The following TGM2 variants were observed in gnomAD, a reference collection of about 807,000 sequenced individuals.
The protein encoded by TGM2 is protein-glutamine gamma-glutamyltransferase 2.
Under a neutral mutation model 75.6 loss-of-function variants are expected in TGM2, and 53 were observed. The observed-to-expected ratio is 0.70, with a 90% confidence interval of 0.56 to 0.88. TGM2 has a LOEUF of 0.88. TGM2 is among the 40% of genes least tolerant of loss of function. The probability of loss-of-function intolerance (pLI) is 0.00; values close to 1 mark genes in which losing one functional copy is unlikely to be tolerated. For missense variants in TGM2, 842 were observed against 928.5 expected, an observed-to-expected ratio of 0.91 and a Z score of 1.21; for synonymous variants, 374 against 381.1, an observed-to-expected ratio of 0.98 and a Z score of 0.22.
chr20:38,143,632 T>C (rs921174071), intron 6 of TGM2, among the ~76,000 whole-genome samples: 2 of 147,210 alleles, frequency 1.4e-5, no homozygotes, highest in African/African-American at 5.0e-5. Flanking sequence ...CACTGGGTGC[T>C]CCTGGCAGAC....
rs148742414 is a variant in TGM2, at chr20:38,143,412, G to A, written c.860-1213C>T. 3.9e-5 allele frequency among the ~76,000 whole-genome samples: 6 copies of A among 152,310 alleles called. No individual in the cohort carries two copies. In the East Asian group the frequency reaches 9.7e-4, roughly 25 times the overall value. On this transcript the variant is annotated intron_variant, in intron 6 of 12. Coordinates refer to ENST00000361475, the MANE Select transcript of TGM2 (RefSeq NM_004613.4). ...ATGCACGTGGCCCTATAAATAGGTC[G>A]CAGCACAGATCAGGGTCCTCAGACT...
Position 38,139,415 on chromosome 20 carries a change from C to G in TGM2, c.1339G>C (p.Glu447Gln). 6.2e-7 allele frequency: 1 copy of G among 1,614,158 alleles called. No homozygotes were observed. ...TAAAGACTCTGAGGGCACATACCCT[C>G]TGGGTATTTGTAGGTGTGGGTGATA... ...EDITHTYKYP[E>Q]GSSEEREAFT... is the part of the protein sequence containing the mutation. Residue 447 changes from glutamate (E) to glutamine (Q), a missense_variant, in exon 9 of 13, where the codon GAG (glutamate) becomes CAG (glutamine). Coordinates refer to ENST00000361475, the MANE Select transcript of TGM2 (RefSeq NM_004613.4).
rs542368902 is a variant in TGM2, at chr20:38,153,533, G to GAAAAAAAAAAAAAAGAAAAGA, written c.433+2313_433+2314insTCTTTTCTTTTTTTTTTTTTT. On this transcript the variant is annotated intron_variant, in intron 3 of 12. Coordinates refer to ENST00000361475, the MANE Select transcript of TGM2 (RefSeq NM_004613.4). Reference sequence around the variant, plus strand: ...GAGAGAGCCTTGGTCTCAAAAAAAAGAAAAAAAAAAAAAGAATGAATGAGC... The same window carrying GAAAAAAAAAAAAAAGAAAAGA: ...GAGAGAGCCTTGGTCTCAAAAAAAAGAAAAAAAAAAAAAAGAAAAGAAAAAAAAAAAAAAGAATGAATGAGC... 5.7e-5 allele frequency among the ~76,000 whole-genome samples: 5 copies of GAAAAAAAAAAAAAAGAAAAGA among 87,478 alleles called. 1 individual carries two copies. The highest frequency in any genetic ancestry group is 1.4e-4 in the African/African-American group (3 of 20,728). 57.4% of individuals were successfully genotyped at this position (87,478 alleles called of 152,430 possible).
intron 3 of TGM2, among the ~76,000 whole-genome samples, chr20:38,154,540 T>C (rs1226935448): frequency 6.6e-6 from 1 of 152,170 alleles, no homozygotes; most frequent in African/African-American, 2.4e-5. Context: ...AGCTCTCCCC[T>C]CTGACTTTCT....
At chr20:38,163,625 AC>A (rs2075279340) in intron 1 of TGM2, among the ~76,000 whole-genome samples, 3 of 151,812 alleles carry the variant, frequency 2.0e-5, no homozygotes, top group African/African-American at 7.3e-5. Flanking sequence ...TCTTATGACC[AC>A]CCCTTCGCCA....
chr20:38,139,965 T>C (rs1261358658), intron 8 of TGM2, among the ~76,000 whole-genome samples: 2 of 152,234 alleles, frequency 1.3e-5, no homozygotes, highest in African/African-American at 4.8e-5. Context: ...ATTCCTGAAT[T>C]ATAGATGTAA....
chr20:38,155,741 G>C (rs1025907897), intron 3 of TGM2, 106 bp downstream of exon 3: 2 of 1,469,760 alleles, frequency 1.4e-6, no homozygotes, highest in African/African-American at 2.8e-5. Flanking sequence ...AGTCCACTTT[G>C]ATGTGTGTCT....
At chr20:38,148,674 C>G (rs181352061) in intron 4 of TGM2, among the ~76,000 whole-genome samples, 31 of 152,282 alleles carry the variant, frequency 2.0e-4, no homozygotes, top group Middle Eastern at 3.4e-3. Context: ...TGCTCCCATC[C>G]CCTTTTTGAC....
intron 1 of TGM2, among the ~76,000 whole-genome samples, chr20:38,164,494 G>A (rs897981070): frequency 1.3e-5 from 2 of 152,162 alleles, no homozygotes; most frequent in Admixed American, 1.3e-4. Context: ...CACTCCTCTC[G>A]TTCCTCACAG....
At chr20:38,132,149 G>A (rs2074841476) in intron 11 of TGM2, among the ~76,000 whole-genome samples, 191 bp downstream of exon 11, 1 of 152,080 alleles carries the variant, frequency 6.6e-6, no homozygotes, top group African/African-American at 2.4e-5. Flanking sequence ...TTCATTCCTA[G>A]AGGCTACGAG....
chr20:38,166,125 T>C (rs45492398), upstream of TGM2, among the ~76,000 whole-genome samples: 1 of 152,176 alleles, frequency 6.6e-6, no homozygotes, highest in Admixed American at 6.5e-5. Context: ...CAGACACACC[T>C]GCAAAAACAG....
At chr20:38,132,219 C>T in intron 11 of TGM2, 121 bp downstream of exon 11, 1 of 1,157,984 alleles carries the variant, frequency 8.6e-7, no homozygotes, top group South Asian at 1.3e-5. Context: ...TTGAGGATCG[C>T]TAAGGCACCA....
At position 38,161,568 on chromosome 20, in the gene TGM2, C is replaced by T; in HGVS notation, c.42G>A (p.Leu14=). The T allele has an allele frequency of 1.2e-6, 2 of 1,614,194 alleles. No individual in the cohort carries two copies. Among genetic ancestry groups the T allele is most frequent in the Non-Finnish European group, 1.7e-6 (2 of 1,180,032 alleles). ...ELVLERCDLE[L]ETNGRDHHTA... is the part of the protein sequence containing the mutation. Reference sequence around the variant, plus strand: ...TGTGGTGGTCTCGGCCATTGGTCTCCAGCTCCAGATCACACCTCTCTAAGA... The same window carrying T: ...TGTGGTGGTCTCGGCCATTGGTCTCTAGCTCCAGATCACACCTCTCTAAGA... Residue 14 remains leucine, a synonymous_variant, in exon 2 of 13, where the codon CTG becomes CTA. Transcript: ENST00000361475.
At position 38,141,286 on chromosome 20, in the gene TGM2, G is replaced by A. The variant is rs986011557; in HGVS notation, c.1095C>T (p.Ser365=). The A allele has an allele frequency of 5.1e-6, 8 of 1,571,432 alleles. No individual in the cohort carries two copies. Among genetic ancestry groups the A allele is most frequent in the Non-Finnish European group, 6.9e-6 (8 of 1,157,816 alleles). The stretch of plus-strand genomic sequence containing the variant: ...CGACAGTGCCCGCCCACGCACCTTC[G>A]CTCTTCTCCTGGGGCGTTGGGTCCA... ...QALDPTPQEK[S]EGTYCCGPVP... Residue 365 remains serine, a synonymous_variant, in exon 8 of 13, where the codon AGC becomes AGT. Coordinates refer to ENST00000361475, the MANE Select transcript of TGM2 (RefSeq NM_004613.4).
At chr20:38,164,064 C>T (rs926582283) in intron 1 of TGM2, among the ~76,000 whole-genome samples, 6 of 152,230 alleles carry the variant, frequency 3.9e-5, no homozygotes, top group Non-Finnish European at 7.3e-5. Context: ...GCTGGAGGCT[C>T]ATCATAACTG....
rs1170224896 is a variant in TGM2 at position 38,151,173 on chromosome 20, C to T, written c.434-116G>A. 21 of 768,170 alleles carry T rather than the reference C, an allele frequency of 2.7e-5. No homozygotes were observed. In the East Asian group the frequency reaches 5.2e-4, roughly 19 times the overall value. The allele number at this position is 768,170 out of a possible 1,614,324, so 47.6% of individuals were successfully genotyped here. A position where few individuals can be genotyped will look rare whatever the true frequency, so the allele number is the denominator to read the frequency against. On this transcript the variant is annotated intron_variant, in intron 3 of 12. Coordinates refer to ENST00000361475, the MANE Select transcript of TGM2 (RefSeq NM_004613.4). ...CCAAGCCAGCGTCTCAGGGATCCATCCTTCTTTTAATTAGAAAAAGTAACC... is the reference window on the plus strand; with the variant it reads ...CCAAGCCAGCGTCTCAGGGATCCATTCTTCTTTTAATTAGAAAAAGTAACC...
chr20:38,150,024 T>C (rs1201280971), intron 4 of TGM2, among the ~76,000 whole-genome samples: 1 of 152,134 alleles, frequency 6.6e-6, no homozygotes, highest in Non-Finnish European at 1.5e-5. Context: ...GGGGGAAGCC[T>C]CAGGGTGAAC....
At chr20:38,150,859 A>G in intron 4 of TGM2, 80 bp downstream of exon 4, 1 of 1,062,052 alleles carries the variant, frequency 9.4e-7, no homozygotes, top group South Asian at 1.3e-5. Flanking sequence ...CCACCTGTGC[A>G]GCTTTGGCTG....
chr20:38,165,631 C>A (rs1323994549), upstream of TGM2, among the ~76,000 whole-genome samples: 1 of 151,688 alleles, frequency 6.6e-6, no homozygotes, highest in Admixed American at 6.6e-5. Context: ...GATGTGGACT[C>A]TTAGGTCAGA....
Sources: allele counts gnomAD v4.1 joint callset (sites outside exome capture counted in the v4.1 genomes callset), GRCh38; gene constraint gnomAD v4.1.1; transcripts MANE v1.5; gene names NCBI Gene and HGNC (gene_info 2026-07-23, HGNC 2026-07-21).